Variants in HHIPL2 observed in about 807,000 individuals in gnomAD.
HHIPL2 encodes the protein HHIP like 2.
HHIPL2 carries 61 observed loss-of-function variants against 61.0 expected under a neutral mutation model. That is an observed-to-expected ratio of 1.00 (90% confidence interval 0.81 to 1.24). HHIPL2 has a LOEUF of 1.24. HHIPL2 is among the 50% of genes most tolerant of loss of function. The probability of loss-of-function intolerance (pLI) is 0.00; values close to 1 mark genes in which losing one functional copy is unlikely to be tolerated. For synonymous variants in HHIPL2, 343 were observed against 357.4 expected, an observed-to-expected ratio of 0.96 and a Z score of 0.45; for missense variants, 885 against 910.2, an observed-to-expected ratio of 0.97 and a Z score of 0.36.
chr1:222,532,103 A>G lies in HHIPL2; in HGVS notation c.1586T>C (p.Met529Thr), dbSNP rs367789304. The G allele has an allele frequency of 9.1e-5, 147 of 1,612,632 alleles. No homozygotes were observed. The highest frequency in any genetic ancestry group is 1.2e-4 in the Non-Finnish European group (138 of 1,179,280). Residue 529 changes from methionine to threonine, a missense_variant, in exon 6 of 9, where the codon ATG (methionine) becomes ACG (threonine). Physicochemically the swap from Met to Thr is moderately conservative, Grantham distance 81. Transcript: ENST00000343410. ...IFGDFMSGRL[M>T]ALQEDRKNKK... is the part of the protein sequence containing the mutation. ...GTTTTTTCTATCTTCCTGCAAAGCC[A>G]TAAGTCGACTAGACAAAAAATAAAC...
At chr1:222,534,728 A>G (rs1274391569) in intron 5 of HHIPL2, among the ~76,000 whole-genome samples, 1 of 152,118 alleles carries the variant, frequency 6.6e-6, no homozygotes, top group Admixed American at 6.5e-5. Flanking sequence ...ACATTACAAA[A>G]GAAACAATTC....
intron 2 of HHIPL2, among the ~76,000 whole-genome samples, chr1:222,543,290 A>C (rs1332440333): frequency 6.6e-6 from 1 of 152,152 alleles, no homozygotes; most frequent in Non-Finnish European, 1.5e-5. Context: ...GCTGGTCCTT[A>C]CTTACCCTTT....
rs1291271083 is a variant in HHIPL2, at chr1:222,526,993, A to G, written c.1781T>C (p.Ile594Thr). Residue 594 changes from isoleucine (I) to threonine (T), a missense_variant, in exon 7 of 9, where the codon ATT becomes ACT. Physicochemically the swap from Ile to Thr is moderately conservative, Grantham distance 89. Coordinates refer to ENST00000343410, the MANE Select transcript of HHIPL2 (RefSeq NM_024746.4). ...YPSAYAPRGS[I>T]YKFVDPSRRA... is the part of the protein sequence containing the mutation. ...CCTTGAGGGGTCAACAAACTTGTAA[A>G]TAGATCCACGTGGTGCATAGGCACT... 2 of 1,613,686 alleles carry G rather than the reference A, an allele frequency of 1.2e-6. No individual in the cohort carries two copies. Among genetic ancestry groups the G allele is most frequent in the Non-Finnish European group, 8.5e-7 (1 of 1,179,840 alleles).
chr1:222,534,675 C>CTT (rs778753491), intron 5 of HHIPL2, among the ~76,000 whole-genome samples: 365 of 118,668 alleles, frequency 3.1e-3, no homozygotes, highest in African/African-American at 0.014. Context: ...AGATTACACA[C>CTT]ACACACACAC....
intron 5 of HHIPL2, among the ~76,000 whole-genome samples, chr1:222,533,462 T>C (rs1277928160): frequency 6.6e-6 from 1 of 152,024 alleles, no homozygotes; most frequent in Non-Finnish European, 1.5e-5. Context: ...GTGGAGGTTG[T>C]AGGGAGAAAA....
intron 5 of HHIPL2, among the ~76,000 whole-genome samples, chr1:222,535,790 A>T (rs2102616200): frequency 6.6e-6 from 1 of 152,302 alleles, no homozygotes; most frequent in Admixed American, 6.5e-5. Context: ...CCCCCAAGTC[A>T]TATACAATAT....
intron 1 of HHIPL2, among the ~76,000 whole-genome samples, chr1:222,546,895 C>A (rs1262919383): frequency 6.6e-6 from 1 of 152,192 alleles, no homozygotes; most frequent in Non-Finnish European, 1.5e-5. Flanking sequence ...CTGACAAGCC[C>A]AGGGGGTCTC....
At position 222,543,551 on chromosome 1, in the gene HHIPL2, G is replaced by A. The variant is rs1294244342; in HGVS notation, c.960C>T (p.Asp320=). ...KVSRADPNKA[D]LKSERVILEI... is the part of the protein sequence containing the mutation. ...GTACCTCTCACCTCTCTGATTTCAG[G>A]TCAGCTTTGTTAGGATCAGCCCGAG... The change falls in exon 2 of 9, where the codon GAC becomes GAT. Residue 320 remains aspartate, a synonymous_variant. Coordinates refer to ENST00000343410, the MANE Select transcript of HHIPL2 (RefSeq NM_024746.4). 1 of 1,611,602 alleles carries A rather than the reference G, an allele frequency of 6.2e-7. No homozygotes were observed. Among genetic ancestry groups the A allele is most frequent in the African/African-American group, 1.3e-5 (1 of 74,804 alleles).
In HHIPL2 at chr1:222,543,830, G is replaced by A. The variant is rs145415446; in HGVS notation, c.681C>T (p.Asp227=). 45 of 1,614,124 alleles carry A rather than the reference G, an allele frequency of 2.8e-5. No homozygotes were observed. The African/African-American group carries it at 4.7e-4, about 17-fold the overall frequency. The stretch of plus-strand genomic sequence containing the variant: ...CGGCAACAAAGAAGCGATGGGTGCC[G>A]TCCCCAGCATGGACCATGGAGACGG... The part of the protein sequence containing the change: ...RNPVSMVHAG[D]GTHRFFVAEQ... Residue 227 remains aspartate (D), a synonymous_variant, in exon 2 of 9, where the codon GAC becomes GAT. Transcript: ENST00000343410.
At chr1:222,532,234 T>C (rs1659208369) in intron 5 of HHIPL2, 123 bp from the exon 6 acceptor site, 2 of 799,702 alleles carry the variant, frequency 2.5e-6, no homozygotes, top group Non-Finnish European at 3.7e-6. Context: ...GATCAATAAC[T>C]AGCCTGCCTC....
chr1:222,543,868 C>T lies in HHIPL2; in HGVS notation c.643G>A (p.Gly215Arg), dbSNP rs868813890. 23 of 1,614,028 alleles carry T rather than the reference C, an allele frequency of 1.4e-5. 1 individual carries two copies. In the Middle Eastern group the frequency reaches 6.6e-4, roughly 46 times the overall value. The change falls in exon 2 of 9, where the codon GGG (glycine) becomes AGG (arginine). Residue 215 changes from glycine (G) to arginine (R), a missense_variant. Transcript: ENST00000343410. ...LQLCLSEVAN[G>R]LRNPVSMVHA... The stretch of plus-strand genomic sequence containing the variant: ...ACCATGGAGACGGGGTTCCTCAGCC[C>T]GTTGGCCACCTCGCTCAGGCAGAGC...
Position 222,540,204 on chromosome 1 carries a change from C to G in HHIPL2, c.1256G>C (p.Arg419Thr), listed in dbSNP as rs1353261390. Residue 419 changes from arginine (R) to threonine (T), a missense_variant, in exon 4 of 9, where the codon AGG becomes ACG. Arg to Thr is a moderately conservative substitution (Grantham distance 71). Coordinates refer to ENST00000343410, the MANE Select transcript of HHIPL2 (RefSeq NM_024746.4). The part of the protein sequence containing the change: ...AHPAIYAYGI[R>T]NMWRCAVDRG... Reference sequence around the variant, plus strand: ...GTCCACAGCACAACGCCACATGTTCCTGATCCCATAGGCATAGATGGCGGG... The same window carrying G: ...GTCCACAGCACAACGCCACATGTTCGTGATCCCATAGGCATAGATGGCGGG... 2 of 1,614,276 alleles carry G rather than the reference C, an allele frequency of 1.2e-6. No individual in the cohort carries two copies. Among genetic ancestry groups the G allele is most frequent in the Admixed American group, 3.3e-5 (2 of 60,034 alleles).
intron 5 of HHIPL2, among the ~76,000 whole-genome samples, chr1:222,533,101 A>T (rs1659226423): frequency 6.6e-6 from 1 of 152,214 alleles, no homozygotes; most frequent in African/African-American, 2.4e-5. Flanking sequence ...GCAGTGGCTT[A>T]TGCCTGTAAT....
At chr1:222,529,797 A>G (rs575105003) in intron 6 of HHIPL2, among the ~76,000 whole-genome samples, 1 of 152,318 alleles carries the variant, frequency 6.6e-6, no homozygotes, top group Admixed American at 6.5e-5. Context: ...ACTCAGCAGC[A>G]ATTCATACCA....
At chr1:222,539,542 A>AG (rs1450899960) in intron 4 of HHIPL2, among the ~76,000 whole-genome samples, 1 of 151,090 alleles carries the variant, frequency 6.6e-6, no homozygotes, top group Non-Finnish European at 1.5e-5. Flanking sequence ...AAAAAAAAAA[A>AG]AAAAAAAGAA....
At chr1:222,532,640 T>C (rs1571768696) in intron 5 of HHIPL2, among the ~76,000 whole-genome samples, 2 of 149,684 alleles carry the variant, frequency 1.3e-5, no homozygotes, top group East Asian at 3.9e-4. Context: ...GAGTTTGACG[T>C]GCTGTGTAGG....
chr1:222,529,191 C>T (rs1659137356), intron 6 of HHIPL2, among the ~76,000 whole-genome samples: 1 of 152,182 alleles, frequency 6.6e-6, no homozygotes, highest in African/African-American at 2.4e-5. Flanking sequence ...GCCTCATGGT[C>T]TTTGCATAGC....
rs1345884097 is a variant in HHIPL2 at position 222,523,516 on chromosome 1, C to CT, written c.1888+95dup. ...AGACTTAGTTTCCCTCAGGGGGTAA[C>CT]TAAGACTCCACCATGGGAATTATAG... On this transcript the variant is annotated intron_variant, in intron 8 of 8. Transcript: ENST00000343410. 53 of 1,159,448 alleles carry CT rather than the reference C, an allele frequency of 4.6e-5. No individual in the cohort carries two copies. The East Asian group carries it at 1.2e-3, about 26-fold the overall frequency. The allele number at this position is 1,159,448 out of a possible 1,614,324, so 71.8% of individuals were successfully genotyped here. A position where few individuals can be genotyped will look rare whatever the true frequency, so the allele number is the denominator to read the frequency against.
chr1:222,547,384 C>A (rs1050658954), intron 1 of HHIPL2, among the ~76,000 whole-genome samples: 1 of 152,264 alleles, frequency 6.6e-6, no homozygotes, highest in South Asian at 2.1e-4. Context: ...CTCTGAGCAC[C>A]GCAGAGGATG....
Sources: allele counts gnomAD v4.1 joint callset (sites outside exome capture counted in the v4.1 genomes callset), GRCh38; gene constraint gnomAD v4.1.1; transcripts MANE v1.5; gene names NCBI Gene and HGNC (gene_info 2026-07-23, HGNC 2026-07-21).